KAZN: variants seen among roughly 807,000 people sequenced by gnomAD.
The protein encoded by KAZN is kazrin.
KAZN carries 40 observed loss-of-function variants against 87.4 expected under a neutral mutation model. That is an observed-to-expected ratio of 0.46 (90% CI 0.36 to 0.60). The LOEUF (loss-of-function observed/expected upper bound fraction) is 0.60. Among genes scored for constraint, KAZN ranks in the 20% least tolerant of loss-of-function variants. KAZN has a pLI of 0.00. For missense variants in KAZN, 898 were observed against 1,073.9 expected (o/e 0.84, Z 2.29); for synonymous variants, 466 against 458.3 (o/e 1.02, Z -0.22).
At chr1:14,314,141 C>T (rs368041947) in intron 2 of KAZN, among the ~76,000 whole-genome samples, 1 of 152,090 alleles carries the variant, frequency 6.6e-6, no homozygotes, top group Non-Finnish European at 1.5e-5. Flanking sequence ...ATGTAAATAC[C>T]TTCTGTTGGT....
intron 1 of KAZN, among the ~76,000 whole-genome samples, chr1:14,723,576 C>G (rs1643228681): frequency 1.3e-5 from 2 of 152,216 alleles, no homozygotes; most frequent in Non-Finnish European, 2.9e-5. Context: ...TGGAACTCTA[C>G]TGCCTGGGAC....
At chr1:14,658,761 C>A (rs536036901) in intron 1 of KAZN, among the ~76,000 whole-genome samples, 2 of 152,254 alleles carry the variant, frequency 1.3e-5, no homozygotes, top group South Asian at 4.1e-4. Context: ...CATTCCCTCG[C>A]CCCACCCTAG....
intron 1 of KAZN, among the ~76,000 whole-genome samples, chr1:14,738,632 G>T (rs1643987868): frequency 6.6e-6 from 1 of 152,100 alleles, no homozygotes; most frequent in Non-Finnish European, 1.5e-5. Context: ...GGAGAAGAGA[G>T]GTAAGTCCAG....
chr1:14,594,769 C>A (rs1326474470), upstream of KAZN, among the ~76,000 whole-genome samples: 1 of 152,214 alleles, frequency 6.6e-6, no homozygotes, highest in African/African-American at 2.4e-5. Context: ...TCCCAGGACA[C>A]CGGCGGTAAA....
At chr1:14,020,535 T>A (rs112235594) in intron 1 of KAZN, among the ~76,000 whole-genome samples, 211 of 152,362 alleles carry the variant, frequency 1.4e-3, no homozygotes, top group African/African-American at 4.9e-3. Context: ...TAATTCTTGC[T>A]GTAAAACTGT....
chr1:14,764,012 G>A lies in KAZN; in HGVS notation c.226+164789G>A, dbSNP rs1308783902. 1.1e-4 allele frequency among the ~76,000 whole-genome samples: 17 copies of A among 152,250 alleles called. No homozygotes were observed. In the East Asian group the frequency reaches 3.3e-3, roughly 29 times the overall value. ...GATCCACCCATCTCGGCCTCCCAAA[G>A]TGCTGAGATTACAGGCTTGAGCCAC... On this transcript the variant is annotated intron_variant, in intron 1 of 14. Coordinates refer to ENST00000376030, the MANE Select transcript of KAZN (RefSeq NM_201628.3).
At chr1:14,801,152 G>A (rs964915637) in intron 1 of KAZN, among the ~76,000 whole-genome samples, 1 of 152,096 alleles carries the variant, frequency 6.6e-6, no homozygotes, top group Non-Finnish European at 1.5e-5. Flanking sequence ...GAGGCAGGCA[G>A]TGAGTGGGGG....
At chr1:14,197,460 G>T (rs1646551358) in intron 2 of KAZN, among the ~76,000 whole-genome samples, 1 of 150,188 alleles carries the variant, frequency 6.7e-6, no homozygotes, top group African/African-American at 2.5e-5. Flanking sequence ...AGGTGAATCA[G>T]GTGGATCACC....
chr1:13,909,233 A>G (rs1400215649), intron 1 of KAZN, among the ~76,000 whole-genome samples: 1 of 152,228 alleles, frequency 6.6e-6, no homozygotes, highest in African/African-American at 2.4e-5. Context: ...CAATAGCAAC[A>G]ATGTATCTGC....
At chr1:14,880,601 G>A (rs1053927882) in intron 1 of KAZN, among the ~76,000 whole-genome samples, 1 of 152,170 alleles carries the variant, frequency 6.6e-6, no homozygotes, top group Non-Finnish European at 1.5e-5. Flanking sequence ...CGGACCCAGA[G>A]GCTCCTGCTG....
At chr1:14,971,981 A>C (rs1279551687) in intron 2 of KAZN, among the ~76,000 whole-genome samples, 1 of 152,128 alleles carries the variant, frequency 6.6e-6, no homozygotes, top group Non-Finnish European at 1.5e-5. Context: ...TCTCGGCTGC[A>C]GCAGAGGCTG....
intron 6 of KAZN, chr1:15,062,547 A>G (rs1365312979): frequency 1.3e-5 from 2 of 152,658 alleles, no homozygotes; most frequent in Non-Finnish European, 2.9e-5. Flanking sequence ...AGCCTGGACT[A>G]ATGACTGCCT....
intron 1 of KAZN, among the ~76,000 whole-genome samples, chr1:14,133,365 C>CAA (rs779709247): frequency 7.5e-5 from 2 of 26,576 alleles, no homozygotes; most frequent in African/African-American, 1.7e-4. Context: ...GACTCCCTCT[C>CAA]AAAAAAAAAA....
At chr1:14,193,438 T>C (rs1646463276) in intron 2 of KAZN, among the ~76,000 whole-genome samples, 1 of 152,168 alleles carries the variant, frequency 6.6e-6, no homozygotes, top group South Asian at 2.1e-4. Context: ...TGCATGGGGC[T>C]ACCAGAAGCT....
At position 14,598,829 on chromosome 1, in the gene KAZN, C is replaced by A; in HGVS notation, c.-169C>A. The stretch of plus-strand genomic sequence containing the variant: ...CGGCTAGGGCTGGAGGCGCCGCTGT[C>A]ATTCCTGTGCCGGAGGAACCGGCGC... On this transcript the variant is annotated 5_prime_UTR_variant, in exon 1 of 15. Coordinates refer to ENST00000376030, the MANE Select transcript of KAZN (RefSeq NM_201628.3). The surrounding 1 kb of genome is among the most constrained non-coding windows in gnomAD (Gnocchi z 4.2). 1 of 1,383,722 alleles carries A rather than the reference C, an allele frequency of 7.2e-7. No homozygotes were observed. Among genetic ancestry groups the A allele is most frequent in the South Asian group, 1.8e-5 (1 of 55,582 alleles). 85.7% of individuals were successfully genotyped at this position (1,383,722 alleles called of 1,614,324 possible).
chr1:14,164,468 G>A (rs539330857), intron 1 of KAZN, among the ~76,000 whole-genome samples: 38 of 150,720 alleles, frequency 2.5e-4, no homozygotes, highest in African/African-American at 8.5e-4. Context: ...GTGTGTGTGT[G>A]TGTGTGTGTG....
At chr1:15,033,655 C>T (rs573578859) in intron 2 of KAZN, among the ~76,000 whole-genome samples, 1 of 152,252 alleles carries the variant, frequency 6.6e-6, no homozygotes, top group Admixed American at 6.5e-5. Flanking sequence ...ATTTGCATTT[C>T]CCCGATGACA....
At chr1:14,970,282 C>G (rs757052403) in intron 2 of KAZN, among the ~76,000 whole-genome samples, 1 of 152,188 alleles carries the variant, frequency 6.6e-6, no homozygotes, top group East Asian at 1.9e-4. Context: ...TCTCTTGTGT[C>G]GTGCTTGCTG....
intron 2 of KAZN, among the ~76,000 whole-genome samples, chr1:14,434,581 A>T (rs544787619): frequency 6.6e-6 from 1 of 152,316 alleles, no homozygotes; most frequent in East Asian, 1.9e-4. Context: ...TTCATGGTGG[A>T]TGATGGAGCT....
Sources: allele counts gnomAD v4.1 joint callset (sites outside exome capture counted in the v4.1 genomes callset), GRCh38; gene constraint gnomAD v4.1.1; non-coding constraint Gnocchi (gnomAD v3.1); transcripts MANE v1.5; gene names NCBI Gene and HGNC (gene_info 2026-07-23, HGNC 2026-07-21).